FAT3: variants seen among roughly 807,000 people sequenced by gnomAD.
The protein encoded by FAT3 is protocadherin Fat 3.
Under a neutral mutation model 310.2 loss-of-function variants are expected in FAT3, and 95 were observed. The observed-to-expected ratio is 0.31, with a 90% confidence interval of 0.26 to 0.36. The LOEUF (loss-of-function observed/expected upper bound fraction) is 0.36. Ranked by LOEUF, FAT3 falls within the 10% of genes least tolerant of loss-of-function variation. The pLI is 1.00. For missense variants in FAT3, 5,408 were observed against 5,715.6 expected (o/e 0.95, Z 1.74); for synonymous variants, 2,314 against 2,192.9 (o/e 1.06, Z -1.54).
chr11:92,281,088 C>T (rs2134363960), intron 1 of FAT3, among the ~76,000 whole-genome samples: 1 of 152,228 alleles, frequency 6.6e-6, no homozygotes, highest in African/African-American at 2.4e-5. Flanking sequence ...TTAATAACTA[C>T]TGTGCAATAT....
intron 3 of FAT3, among the ~76,000 whole-genome samples, chr11:92,540,572 T>C (rs1954413853): frequency 6.6e-6 from 1 of 152,202 alleles, no homozygotes; most frequent in Non-Finnish European, 1.5e-5. Context: ...AAATTACGAA[T>C]GTTTCACTAT....
intron 2 of FAT3, among the ~76,000 whole-genome samples, chr11:92,477,935 G>C (rs79533159): frequency 0.011 from 1,639 of 152,334 alleles, 29 homozygotes; most frequent in African/African-American, 0.037. Context: ...CATGTTAGAA[G>C]TCAGTAATAC....
intron 4 of FAT3, among the ~76,000 whole-genome samples, chr11:92,755,341 G>T (rs1358620804): frequency 6.6e-6 from 1 of 152,106 alleles, no homozygotes; most frequent in Non-Finnish European, 1.5e-5. Flanking sequence ...TTCTGCCTCA[G>T]CCTCCCGAGT....
At chr11:92,749,745 G>T (rs1028218072) in intron 4 of FAT3, among the ~76,000 whole-genome samples, 2 of 152,148 alleles carry the variant, frequency 1.3e-5, no homozygotes, top group Non-Finnish European at 2.9e-5. Context: ...ACAGGGTCTT[G>T]TCAATAAATA....
intron 3 of FAT3, among the ~76,000 whole-genome samples, chr11:92,579,334 A>C (rs1404902682): frequency 7.2e-5 from 11 of 152,100 alleles, no homozygotes. Flanking sequence ...TAGAATGAAA[A>C]GAAATTGGTT....
chr11:92,330,156 A>G (rs1400742581), intron 1 of FAT3, among the ~76,000 whole-genome samples: 1 of 152,230 alleles, frequency 6.6e-6, no homozygotes, highest in African/African-American at 2.4e-5. Flanking sequence ...CAGATGCACT[A>G]AACATTGAAA....
chr11:92,425,953 CA>C (rs1184418865), intron 2 of FAT3, among the ~76,000 whole-genome samples: 4 of 152,120 alleles, frequency 2.6e-5, no homozygotes, highest in African/African-American at 9.7e-5. Context: ...CTTGAGGAAT[CA>C]CCACACTGTC....
At chr11:92,869,719 A>G (rs1949339106) in intron 22 of FAT3, among the ~76,000 whole-genome samples, 1 of 152,234 alleles carries the variant, frequency 6.6e-6, no homozygotes, top group Non-Finnish European at 1.5e-5. Flanking sequence ...CTATGAAACT[A>G]TGTAGCTAAT....
At chr11:92,624,541 G>A (rs1013845351) in intron 3 of FAT3, among the ~76,000 whole-genome samples, 2 of 152,202 alleles carry the variant, frequency 1.3e-5, no homozygotes, top group Non-Finnish European at 2.9e-5. Flanking sequence ...GGCAGGTGGC[G>A]AAATTCAAGG....
chr11:92,738,283 A>G (rs1342187643), intron 4 of FAT3, among the ~76,000 whole-genome samples: 2 of 152,222 alleles, frequency 1.3e-5, no homozygotes, highest in African/African-American at 2.4e-5. Flanking sequence ...TTAATTCCCC[A>G]AAAGTAAAGG....
chr11:92,478,409 T>C (rs925409673), intron 2 of FAT3, among the ~76,000 whole-genome samples: 1 of 152,156 alleles, frequency 6.6e-6, no homozygotes, highest in African/African-American at 2.4e-5. Context: ...ATCTCTTTCT[T>C]CCAGTTTTAC....
chr11:92,658,164 AATGTT>A (rs766157028), intron 3 of FAT3, among the ~76,000 whole-genome samples: 1 of 152,188 alleles, frequency 6.6e-6, no homozygotes, highest in Non-Finnish European at 1.5e-5. Context: ...TTTCAATATG[AATGTT>A]ATGTTTTCCT....
chr11:92,311,349 G>C (rs538306716), intron 1 of FAT3, among the ~76,000 whole-genome samples: 2 of 152,070 alleles, frequency 1.3e-5, no homozygotes, highest in African/African-American at 4.8e-5. Flanking sequence ...TATTGGGGAC[G>C]GAGATCCCTT....
intron 3 of FAT3, among the ~76,000 whole-genome samples, chr11:92,616,264 T>C (rs1591524189): frequency 6.6e-6 from 1 of 152,292 alleles, no homozygotes; most frequent in African/African-American, 2.4e-5. Context: ...TCTTTGTTGG[T>C]TTAAAGTTTG....
intron 2 of FAT3, among the ~76,000 whole-genome samples, chr11:92,442,111 A>ATATATATTTTTTTTTTTT (rs1453396603): frequency 2.2e-5 from 1 of 45,218 alleles, no homozygotes. Flanking sequence ...ATATATATAT[A>ATATATATTTTTTTTTTTT]TTTTTTTTTT....
intron 2 of FAT3, among the ~76,000 whole-genome samples, chr11:92,479,482 G>T (rs926892885): frequency 6.6e-6 from 1 of 152,164 alleles, no homozygotes; most frequent in Non-Finnish European, 1.5e-5. Context: ...CTAGGGTGTA[G>T]GAACTAAAAT....
At chr11:92,472,630 T>C (rs1951938181) in intron 2 of FAT3, among the ~76,000 whole-genome samples, 1 of 152,242 alleles carries the variant, frequency 6.6e-6, no homozygotes, top group East Asian at 1.9e-4. Context: ...TAGCATACAG[T>C]ACCATGAGCT....
At chr11:92,374,499 A>C (rs76706445) in intron 2 of FAT3, among the ~76,000 whole-genome samples, 11,745 of 152,300 alleles carry the variant, frequency 0.077, 657 homozygotes, top group African/African-American at 0.15. Context: ...TTTAACTTGC[A>C]GGAAGGCAAG....
chr11:92,524,560 C>T, intron 2 of FAT3, 74 bp from the exon 3 acceptor site: 1 of 1,440,180 alleles, frequency 6.9e-7, no homozygotes, highest in Non-Finnish European at 9.4e-7. Flanking sequence ...TAGTGTAGTC[C>T]TTTGGAATTT....
Sources: allele counts gnomAD v4.1 joint callset (sites outside exome capture counted in the v4.1 genomes callset), GRCh38; gene constraint gnomAD v4.1.1; transcripts MANE v1.5; gene names NCBI Gene and HGNC (gene_info 2026-07-23, HGNC 2026-07-21).